UNC79: variants seen among roughly 807,000 people sequenced by gnomAD.
UNC79 encodes protein unc-79 homolog.
Under a neutral mutation model 283.1 loss-of-function variants are expected in UNC79, and 37 were observed. The observed-to-expected ratio is 0.13, with a 90% CI of 0.10 to 0.17. UNC79 has a LOEUF of 0.17. Among genes scored for constraint, UNC79 ranks in the 10% least tolerant of loss-of-function variants. The pLI is 1.00. For synonymous variants in UNC79, 1,107 were observed against 1,200.2 expected, an observed-to-expected ratio of 0.92 and a Z score of 1.61; for missense variants, 2,272 against 3,211.1, an observed-to-expected ratio of 0.71 and a Z score of 7.07.
At chr14:93,364,278 C>G (rs765307788) in intron 1 of UNC79, among the ~76,000 whole-genome samples, 49 of 152,172 alleles carry the variant, frequency 3.2e-4, no homozygotes, top group Non-Finnish European at 8.8e-5. Context: ...AAAGATAACC[C>G]CAATCATGAC....
At chr14:93,356,676 C>T (rs987845180) in intron 1 of UNC79, among the ~76,000 whole-genome samples, 3 of 152,172 alleles carry the variant, frequency 2.0e-5, no homozygotes, top group Admixed American at 6.5e-5. Flanking sequence ...TCTGCCATTA[C>T]CAGAAGTGCA....
intron 5 of UNC79, among the ~76,000 whole-genome samples, chr14:93,489,579 C>G (rs1248571338): frequency 6.6e-6 from 1 of 152,226 alleles, no homozygotes; most frequent in African/African-American, 2.4e-5. Flanking sequence ...AGTCTAAAAC[C>G]CAACTACATT....
chr14:93,605,032 GTC>G, intron 26 of UNC79, 71 bp downstream of exon 27: 2 of 1,470,952 alleles, frequency 1.4e-6, no homozygotes, highest in Non-Finnish European at 9.1e-7. Context: ...AGAATGCGGT[GTC>G]TCTAACTGGA....
At position 93,409,521 on chromosome 14, in the gene UNC79, G is replaced by A. The variant is rs192619861; in HGVS notation, c.-350-58150G>A. Reference sequence around the variant, plus strand: ...GCCTGGACAACATAGTGAGACCTCCGTCTCTACAAAAAATAAAAATAAATT... The same window carrying A: ...GCCTGGACAACATAGTGAGACCTCCATCTCTACAAAAAATAAAAATAAATT... On this transcript the variant is annotated intron_variant, in intron 1 of 49. Coordinates refer to the UNC79 transcript ENST00000256339. Among the ~76,000 whole-genome samples the A allele has an allele frequency of 4.9e-4, 75 of 152,038 alleles. 1 individual carries two copies. In the Middle Eastern group the frequency reaches 0.017, roughly 34 times the overall value.
At chr14:93,460,403 A>G (rs1242831146) in intron 1 of UNC79, among the ~76,000 whole-genome samples, 1 of 150,896 alleles carries the variant, frequency 6.6e-6, no homozygotes, top group Non-Finnish European at 1.5e-5. Context: ...CCAGCTACTC[A>G]GGAGGCTGAG....
At chr14:93,504,626 G>A (rs1441057806) in intron 7 of UNC79, among the ~76,000 whole-genome samples, 1 of 151,512 alleles carries the variant, frequency 6.6e-6, no homozygotes, top group Non-Finnish European at 1.5e-5. Context: ...AATTATATAT[G>A]TTCTAAAAAT....
At chr14:93,359,692 AC>A (rs1251538158) in intron 1 of UNC79, among the ~76,000 whole-genome samples, 1 of 152,172 alleles carries the variant, frequency 6.6e-6, no homozygotes, top group African/African-American at 2.4e-5. Flanking sequence ...TAAGCAGAAA[AC>A]TTCCAGGTCA....
chr14:93,338,283 A>G (rs560699699), intron 1 of UNC79, among the ~76,000 whole-genome samples: 24 of 151,902 alleles, frequency 1.6e-4, no homozygotes, highest in Non-Finnish European at 2.5e-4. Context: ...AAAAGTGTGC[A>G]CCACCTCCCA....
chr14:93,530,629 G>A (rs2060767394), intron 10 of UNC79, among the ~76,000 whole-genome samples: 1 of 151,552 alleles, frequency 6.6e-6, no homozygotes, highest in Admixed American at 6.6e-5. Context: ...ACAAAAACAG[G>A]CCGGGCGCGG....
chr14:93,648,024 C>A (rs2069823486), intron 35 of UNC79, among the ~76,000 whole-genome samples: 1 of 152,128 alleles, frequency 6.6e-6, no homozygotes, highest in Non-Finnish European at 1.5e-5. Flanking sequence ...CCCACTGGGC[C>A]CCTCCCACAA....
intron 40 of UNC79, among the ~76,000 whole-genome samples, chr14:93,671,786 AAAC>A (rs1229124025): frequency 8.5e-5 from 13 of 152,202 alleles, no homozygotes; most frequent in East Asian, 1.9e-4. Flanking sequence ...ACAAACAAGC[AAAC>A]AACAACAACA....
At chr14:93,547,321 A>G (rs2061648594) in intron 14 of UNC79, among the ~76,000 whole-genome samples, 1 of 152,238 alleles carries the variant, frequency 6.6e-6, no homozygotes, top group Admixed American at 6.5e-5. Context: ...ATAGACTTCA[A>G]CTTATCAAAT....
upstream of UNC79, among the ~76,000 whole-genome samples, chr14:93,427,675 T>C (rs533051951): frequency 1.2e-4 from 19 of 152,166 alleles, no homozygotes; most frequent in African/African-American, 4.1e-4. Context: ...TTTTGTCTTC[T>C]CTGTTTGCTA....
rs112050394 is a variant in UNC79, at chr14:93,509,456, T to C, written c.898+12170T>C. ...AGATAAGGCATGTCTCTTCCACCTA[T>C]GATCCTGTAAAATAAAAAACAAGTT... On this transcript the variant is annotated intron_variant, in intron 7 of 48. Transcript: ENST00000555664. 9.7e-3 allele frequency among the ~76,000 whole-genome samples: 1,482 copies of C among 152,262 alleles called. 24 individuals carry two copies. Among genetic ancestry groups the C allele is most frequent in the African/African-American group, 0.034 (1,416 of 41,538 alleles).
chr14:93,588,360 T>C (rs1341373980), intron 22 of UNC79, among the ~76,000 whole-genome samples: 1 of 152,174 alleles, frequency 6.6e-6, no homozygotes, highest in Non-Finnish European at 1.5e-5. Context: ...TGCAGAACTT[T>C]TTTCTGAAAG....
chr14:93,367,409 C>T (rs933818267), intron 1 of UNC79, among the ~76,000 whole-genome samples: 14 of 152,086 alleles, frequency 9.2e-5, no homozygotes, highest in African/African-American at 3.4e-4. Flanking sequence ...AATACTGATA[C>T]TGATGGAGAT....
At chr14:93,392,384 A>G (rs1049138239) in intron 1 of UNC79, among the ~76,000 whole-genome samples, 4 of 152,232 alleles carry the variant, frequency 2.6e-5, no homozygotes, top group African/African-American at 9.6e-5. Flanking sequence ...ACTAAAGTGT[A>G]GTGTTTAGGG....
At chr14:93,465,470 A>T (rs2057136762) in intron 1 of UNC79, among the ~76,000 whole-genome samples, 1 of 152,200 alleles carries the variant, frequency 6.6e-6, no homozygotes, top group Non-Finnish European at 1.5e-5. Context: ...GTACACAGAG[A>T]CAATGCAATA....
intron 14 of UNC79, among the ~76,000 whole-genome samples, chr14:93,567,436 AG>A (rs895484979): frequency 4.1e-4 from 63 of 152,152 alleles, no homozygotes; most frequent in African/African-American, 1.5e-3. Context: ...CATGTTGGGC[AG>A]GCTGGTCTCG....
Sources: gnomAD v4.1 joint callset for allele counts (sites outside exome capture counted in the v4.1 genomes callset) on GRCh38, gnomAD v4.1.1 for gene constraint, MANE v1.5 for transcripts, NCBI Gene and HGNC (gene_info 2026-07-23, HGNC 2026-07-21) for gene names.